The following CDH2 variants were observed in gnomAD, a reference collection of about 807,000 sequenced individuals.
CDH2 encodes the protein cadherin-2.
CDH2 carries 17 observed loss-of-function variants against 92.0 expected under a neutral mutation model. The ratio of observed to expected loss-of-function variants is 0.18; its 90% CI spans 0.13 to 0.28. The LOEUF is 0.28. Among genes scored for constraint, CDH2 ranks in the 10% least tolerant of loss-of-function variants. CDH2 has a pLI of 1.00. For synonymous variants in CDH2, 419 were observed against 415.9 expected (o/e 1.01, Z -0.09); for missense variants, 862 against 1,133.1 (o/e 0.76, Z 3.44).
chr18:27,972,955 A>G (rs1390284954), intron 14 of CDH2, among the ~76,000 whole-genome samples: 1 of 152,208 alleles, frequency 6.6e-6, no homozygotes, highest in Non-Finnish European at 1.5e-5. Context: ...AATTAGGTGA[A>G]GAAATGGACT....
At chr18:28,074,493 G>T (rs113475302) in intron 2 of CDH2, among the ~76,000 whole-genome samples, 1 of 151,970 alleles carries the variant, frequency 6.6e-6, no homozygotes, top group Non-Finnish European at 1.5e-5. Flanking sequence ...TGATCCACCC[G>T]CATCAGCCTC....
At chr18:28,176,891 C>T in intron 1 of CDH2, 72 bp downstream of exon 1, 1 of 874,330 alleles carries the variant, frequency 1.1e-6, no homozygotes, top group Admixed American at 5.4e-5. Flanking sequence ...CGCAGCGGCG[C>T]GGGGAACAAA....
intron 2 of CDH2, among the ~76,000 whole-genome samples, chr18:28,083,429 A>G (rs1186774662): frequency 2.0e-5 from 3 of 146,676 alleles, no homozygotes; most frequent in Non-Finnish European, 1.5e-5. Context: ...AAACATCAAG[A>G]AAGAAATTGT....
At chr18:27,964,134 A>T (rs2011480429) in intron 14 of CDH2, among the ~76,000 whole-genome samples, 1 of 152,110 alleles carries the variant, frequency 6.6e-6, no homozygotes, top group Non-Finnish European at 1.5e-5. Context: ...ACAAAACCTA[A>T]ATTATTTACT....
intron 2 of CDH2, among the ~76,000 whole-genome samples, chr18:28,120,467 A>G (rs1416528132): frequency 1.3e-5 from 2 of 152,152 alleles, no homozygotes; most frequent in Non-Finnish European, 2.9e-5. Context: ...TATAAAATAT[A>G]TACATCACTT....
chr18:28,065,496 A>C (rs1159164805), intron 2 of CDH2, among the ~76,000 whole-genome samples: 1 of 152,156 alleles, frequency 6.6e-6, no homozygotes, highest in Non-Finnish European at 1.5e-5. Flanking sequence ...TTTTTCAACA[A>C]TATATGCTTC....
intron 2 of CDH2, among the ~76,000 whole-genome samples, chr18:28,080,594 T>G (rs2014810749): frequency 6.6e-6 from 1 of 152,234 alleles, no homozygotes; most frequent in South Asian, 2.1e-4. Flanking sequence ...ACCATAAATC[T>G]TAACAGAGTT....
At chr18:27,965,738 A>G (rs1227100020) in intron 14 of CDH2, among the ~76,000 whole-genome samples, 2 of 152,152 alleles carry the variant, frequency 1.3e-5, no homozygotes, top group African/African-American at 2.4e-5. Flanking sequence ...AGTCCCCTGC[A>G]CTTTGGGAGG....
At chr18:28,150,897 C>G (rs2016110821) in intron 1 of CDH2, among the ~76,000 whole-genome samples, 1 of 152,192 alleles carries the variant, frequency 6.6e-6, no homozygotes, top group Admixed American at 6.5e-5. Flanking sequence ...AATATATATT[C>G]TCCCTATTTA....
intron 3 of CDH2, among the ~76,000 whole-genome samples, chr18:28,012,563 A>G (rs17445833): frequency 0.043 from 6,595 of 152,172 alleles, 163 homozygotes; most frequent in South Asian, 0.07. Context: ...GGATGTCAAC[A>G]TTTTCTTCTG....
chr18:28,109,163 G>C (rs1030891260), intron 2 of CDH2, among the ~76,000 whole-genome samples: 1 of 152,026 alleles, frequency 6.6e-6, no homozygotes, highest in Non-Finnish European at 1.5e-5. Context: ...GAATATTCAC[G>C]CTTAAAATGG....
chr18:27,979,375 C>A (rs1402658660), intron 14 of CDH2, among the ~76,000 whole-genome samples: 3 of 152,086 alleles, frequency 2.0e-5, no homozygotes, highest in Non-Finnish European at 4.4e-5. Flanking sequence ...CTTTCATGTA[C>A]CACAGTGGGG....
chr18:27,954,398 C>T (rs1323197876), intron 15 of CDH2: 1 of 152,240 alleles, frequency 6.6e-6, no homozygotes, highest in Non-Finnish European at 1.5e-5. Context: ...CACTGTAAGG[C>T]TTGGCTGTCT....
chr18:27,955,750 T>C (rs990475391), intron 15 of CDH2, among the ~76,000 whole-genome samples: 5 of 122,098 alleles, frequency 4.1e-5, no homozygotes, highest in Non-Finnish European at 5.2e-5. Context: ...ATCTCTGTTT[T>C]CTTTATTTCT....
intron 5 of CDH2, among the ~76,000 whole-genome samples, chr18:28,007,244 T>C (rs1392294018): frequency 1.3e-5 from 2 of 149,468 alleles, no homozygotes; most frequent in African/African-American, 2.4e-5. Context: ...CTCAGTTTTA[T>C]AGGTATTCTT....
intron 2 of CDH2, among the ~76,000 whole-genome samples, chr18:28,115,054 G>A (rs1471265150): frequency 6.6e-6 from 1 of 152,128 alleles, no homozygotes; most frequent in Non-Finnish European, 1.5e-5. Context: ...TCTCCAAGAG[G>A]GAGGAGAACG....
At chr18:28,138,307 T>C (rs2015897915) in intron 2 of CDH2, among the ~76,000 whole-genome samples, 1 of 152,044 alleles carries the variant, frequency 6.6e-6, no homozygotes, top group Admixed American at 6.6e-5. Context: ...GCAGTTTGTC[T>C]GAAAAAAACA....
At chr18:28,104,647 C>CA (rs1006189136) in intron 2 of CDH2, among the ~76,000 whole-genome samples, 1 of 150,974 alleles carries the variant, frequency 6.6e-6, no homozygotes, top group African/African-American at 2.4e-5. Context: ...ATTCAATAGA[C>CA]AAAAAAACAT....
intron 6 of CDH2, 43 bp downstream of exon 6, chr18:28,005,806 T>C (rs748059748): frequency 3.3e-6 from 5 of 1,517,376 alleles, no homozygotes; most frequent in Non-Finnish European, 3.6e-6. Context: ...GGTTACACCA[T>C]ACTTTCCTCA....
Sources: allele counts gnomAD v4.1 joint callset (sites outside exome capture counted in the v4.1 genomes callset), GRCh38; gene constraint gnomAD v4.1.1; transcripts MANE v1.5; gene names NCBI Gene and HGNC (gene_info 2026-07-23, HGNC 2026-07-21).